The following FGFRL1 variants were observed in gnomAD, a reference collection of about 807,000 sequenced individuals.
The protein encoded by FGFRL1 is fibroblast growth factor receptor like 1.
In FGFRL1, 24 loss-of-function variants were observed where a neutral mutation model predicts 36.8. The observed-to-expected ratio is 0.65, with a 90% confidence interval of 0.47 to 0.92. The LOEUF is 0.92. Ranked by LOEUF, FGFRL1 falls within the 40% of genes least tolerant of loss-of-function variation. The pLI is 0.00. For synonymous variants in FGFRL1, 422 were observed against 344.1 expected, an observed-to-expected ratio of 1.23 and a Z score of -2.50; for missense variants, 785 against 753.4, an observed-to-expected ratio of 1.04 and a Z score of -0.49.
At position 1,024,758 on chromosome 4, in the gene FGFRL1, C is replaced by G; in HGVS notation, c.1072+94C>G. ...CCCACCGGGTGGGGCCCCACCCTTC[C>G]CTCCCGGGCCGTGCTGGCCAGGTCA... On this transcript the variant is annotated intron_variant, in intron 6 of 6. Coordinates refer to ENST00000510644, the MANE Select transcript of FGFRL1 (RefSeq NM_001004356.3). The G allele has an allele frequency of 2.1e-6, 3 of 1,416,338 alleles. No individual in the cohort carries two copies. The African/African-American group carries it at 4.3e-5, about 20-fold the overall frequency. 87.7% of individuals were successfully genotyped at this position (1,416,338 alleles called of 1,614,324 possible).
At chr4:1,016,242 T>C (rs78852263) in intron 2 of FGFRL1, among the ~76,000 whole-genome samples, 7,405 of 152,018 alleles carry the variant, frequency 0.049, 232 homozygotes, top group Middle Eastern at 0.16. Context: ...TTCTTGTTGA[T>C]GCTTCTGAAG....
At chr4:1,016,643 G>A (rs1266819252) in intron 2 of FGFRL1, among the ~76,000 whole-genome samples, 1 of 152,120 alleles carries the variant, frequency 6.6e-6, no homozygotes, top group Non-Finnish European at 1.5e-5. Context: ...CACCTGTGCT[G>A]CAGGCCCCCA....
At position 1,024,082 on chromosome 4, in the gene FGFRL1, C is replaced by T; in HGVS notation, c.699C>T (p.Thr233=). 7 of 1,593,854 alleles carry T rather than the reference C, an allele frequency of 4.4e-6. No individual in the cohort carries two copies. The highest frequency in any genetic ancestry group is 6.0e-6 in the Non-Finnish European group (7 of 1,172,896). Residue 233 remains threonine, a synonymous_variant, in exon 5 of 7, where the codon ACC becomes ACT. Coordinates refer to ENST00000510644, the MANE Select transcript of FGFRL1 (RefSeq NM_001004356.3). ...ACCGCGCGGGCGCCATCAACGCCAC[C>T]TACAAGGTGGATGTGATCCGTGAGT... is the stretch of plus-strand genomic sequence containing the variant. ...VSNRAGAINA[T]YKVDVIQRTR...
chr4:1,014,748 C>A (rs936666617), intron 2 of FGFRL1, among the ~76,000 whole-genome samples: 1 of 152,354 alleles, frequency 6.6e-6, no homozygotes, highest in East Asian at 1.9e-4. Flanking sequence ...CCGTGTGCAG[C>A]GGGCTGAGGT....
At position 1,024,507 on chromosome 4, in the gene FGFRL1, G is replaced by C. The variant is rs1390509957; in HGVS notation, c.915G>C (p.Val305=). ...ATGTGGGCGGCCAGAAGTTTGTGGTGCTGCCCACGGGTGACGTGTGGTCGC... is the reference window on the plus strand; with the variant it reads ...ATGTGGGCGGCCAGAAGTTTGTGGTCCTGCCCACGGGTGACGTGTGGTCGC... ...TIDVGGQKFV[V]LPTGDVWSRP... is the part of the protein sequence containing the mutation. Residue 305 remains valine (V), a synonymous_variant, in exon 6 of 7, where the codon GTG becomes GTC. Transcript: ENST00000510644. 3 of 1,612,420 alleles carry C rather than the reference G, an allele frequency of 1.9e-6. No homozygotes were observed. Among genetic ancestry groups the C allele is most frequent in the Admixed American group, 3.3e-5 (2 of 59,990 alleles).
chr4:1,020,380 C>T (rs1043403914), intron 2 of FGFRL1, among the ~76,000 whole-genome samples: 3 of 151,936 alleles, frequency 2.0e-5, no homozygotes, highest in Non-Finnish European at 2.9e-5. Context: ...GGGCTGTGGT[C>T]GCCGCTGCAG....
At chr4:1,013,313 G>C (rs1243095824) in intron 2 of FGFRL1, among the ~76,000 whole-genome samples, 2 of 152,254 alleles carry the variant, frequency 1.3e-5, no homozygotes, top group Non-Finnish European at 2.9e-5. Context: ...TCCGGGCACA[G>C]CGCTGGCTGC....
intron 2 of FGFRL1, among the ~76,000 whole-genome samples, chr4:1,013,191 C>T (rs1022999419): frequency 3.9e-5 from 6 of 152,232 alleles, no homozygotes; most frequent in African/African-American, 1.4e-4. Flanking sequence ...GGTACGTGCT[C>T]ATGGCACCGA....
intron 3 of FGFRL1, among the ~76,000 whole-genome samples, chr4:1,022,734 C>T (rs548520600): frequency 5.9e-5 from 9 of 152,168 alleles, no homozygotes; most frequent in African/African-American, 1.9e-4. Context: ...GGGCGGGAGC[C>T]GAAGGCAGTG....
rs113926759 is a variant in FGFRL1, at chr4:1,025,512, GACAC to G, written c.*172_*175del. On this transcript the variant is annotated 3_prime_UTR_variant, in exon 7 of 7. Transcript: ENST00000510644. Reference sequence around the variant, plus strand: ...CATAGCCCCTGGACACACACACACAGACACACACACTGCCTGGATGCATGTATGC... The same window carrying G: ...CATAGCCCCTGGACACACACACACAGACACACTGCCTGGATGCATGTATGC... 475 of 790,162 alleles carry G rather than the reference GACAC, an allele frequency of 6.0e-4. No homozygotes were observed. The highest frequency in any genetic ancestry group is 8.1e-4 in the Non-Finnish European group (407 of 502,286). 48.9% of individuals were successfully genotyped at this position (790,162 alleles called of 1,614,324 possible).
chr4:1,025,161 T>G lies in FGFRL1; in HGVS notation c.1329T>G (p.Gly443=), dbSNP rs1401970369. 1.2e-6 allele frequency: 2 copies of G among 1,610,436 alleles called. No individual in the cohort carries two copies. The highest frequency in any genetic ancestry group is 1.7e-6 in the Non-Finnish European group (2 of 1,179,024). ...PSLAALSAGP[G]VGLCEEHGSP... is the part of the protein sequence containing the mutation. ...TGGCCGCCCTCAGCGCTGGCCCTGG[T>G]GTGGGGCTGTGTGAGGAGCATGGGT... The change falls in exon 7 of 7, where the codon GGT becomes GGG. Residue 443 remains glycine (G), a synonymous_variant. Coordinates refer to ENST00000510644, the MANE Select transcript of FGFRL1 (RefSeq NM_001004356.3).
At chr4:1,015,459 T>TGG (rs1411564506) in intron 2 of FGFRL1, among the ~76,000 whole-genome samples, 3 of 152,080 alleles carry the variant, frequency 2.0e-5, no homozygotes, top group Non-Finnish European at 4.4e-5. Flanking sequence ...CCAGGATGGC[T>TGG]GGGGCAGGGG....
In FGFRL1 at chr4:1,023,923, C is replaced by A. The variant is rs776565730; in HGVS notation, c.540C>A (p.Pro180=). Residue 180 remains proline (P), a synonymous_variant, in exon 5 of 7, where the codon CCC becomes CCA. Transcript: ENST00000510644. This position sits in a 1 kb window ranked among gnomAD's most constrained non-coding sequence, Gnocchi z 6.0. The part of the protein sequence containing the change: ...LKCVASGHPR[P]DITWMKDDQA... The stretch of plus-strand genomic sequence containing the variant: ...GCGTGGCCAGCGGGCACCCTCGGCC[C>A]GACATCACGTGGATGAAGGACGACC... The A allele has an allele frequency of 6.3e-7, 1 of 1,582,264 alleles. No homozygotes were observed. Among genetic ancestry groups the A allele is most frequent in the South Asian group, 1.1e-5 (1 of 87,572 alleles).
rs374222149 is a variant in FGFRL1, at chr4:1,024,578, G to T, written c.986G>T (p.Arg329Leu). The T allele has an allele frequency of 6.2e-7, 1 of 1,612,268 alleles. No homozygotes were observed. Among genetic ancestry groups the T allele is most frequent in the Admixed American group, 1.7e-5 (1 of 59,984 alleles). ...YLNKLLITRA[R>L]QDDAGMYICL... is the part of the protein sequence containing the mutation. The stretch of plus-strand genomic sequence containing the variant: ...AATAAGCTGCTCATCACCCGTGCCC[G>T]CCAGGACGATGCGGGCATGTACATC... Residue 329 changes from arginine to leucine, a missense_variant, in exon 6 of 7, where the codon CGC becomes CTC. Physicochemically the swap from Arg to Leu is moderately radical, Grantham distance 102 (BLOSUM62 -2). Transcript: ENST00000510644.
Position 1,023,314 on chromosome 4 carries a change from C to T in FGFRL1, c.353-327C>T, listed in dbSNP as rs959770891. On this transcript the variant is annotated intron_variant, in intron 3 of 6. Coordinates refer to ENST00000510644, the MANE Select transcript of FGFRL1 (RefSeq NM_001004356.3). This position sits in a 1 kb window ranked among gnomAD's most constrained non-coding sequence, Gnocchi z 6.0. ...CTCGTCTGTTCACCAGCCCTCGGCC[C>T]CTTGATGTAGGCTAGGGTTACTGCA... is the stretch of plus-strand genomic sequence containing the variant. 2.0e-5 allele frequency among the ~76,000 whole-genome samples: 3 copies of T among 152,118 alleles called. No homozygotes were observed. Among genetic ancestry groups the T allele is most frequent in the Non-Finnish European group, 4.4e-5 (3 of 67,982 alleles).
rs1716339252 is a variant in FGFRL1, at chr4:1,023,869, G to A, written c.486G>A (p.Arg162=). ...AGATGAGGCGCCGGGTGATCGCACG[G>A]CCCGTGGGTAGCTCCGTGCGGCTCA... ...PSKMRRRVIA[R]PVGSSVRLKC... The change falls in exon 5 of 7, where the codon CGG becomes CGA. Residue 162 remains arginine (R), a synonymous_variant. Transcript: ENST00000510644. The surrounding 1 kb of genome is among the most constrained non-coding windows in gnomAD (Gnocchi z 6.0). 6.3e-7 allele frequency: 1 copy of A among 1,580,434 alleles called. No homozygotes were observed. Among genetic ancestry groups the A allele is most frequent in the East Asian group, 2.3e-5 (1 of 42,888 alleles).
intron 2 of FGFRL1, among the ~76,000 whole-genome samples, chr4:1,020,512 G>A (rs974963132): frequency 6.6e-6 from 1 of 151,302 alleles, no homozygotes; most frequent in Non-Finnish European, 1.5e-5. Flanking sequence ...TGTGTTCTAG[G>A]TTCATCTTCC....
Position 1,024,552 on chromosome 4 carries a change from C to G in FGFRL1, c.960C>G (p.Leu320=). 1 of 1,612,500 alleles carries G rather than the reference C, an allele frequency of 6.2e-7. No individual in the cohort carries two copies. Among genetic ancestry groups the G allele is most frequent in the Non-Finnish European group, 8.5e-7 (1 of 1,179,862 alleles). ...DVWSRPDGSY[L]NKLLITRARQ... The stretch of plus-strand genomic sequence containing the variant: ...GGTCGCGGCCCGACGGCTCCTACCT[C>G]AATAAGCTGCTCATCACCCGTGCCC... Residue 320 remains leucine, a synonymous_variant, in exon 6 of 7, where the codon CTC becomes CTG. Coordinates refer to ENST00000510644, the MANE Select transcript of FGFRL1 (RefSeq NM_001004356.3).
intron 3 of FGFRL1, among the ~76,000 whole-genome samples, chr4:1,022,931 G>T (rs185787697): frequency 0.011 from 1,645 of 152,308 alleles, 30 homozygotes; most frequent in African/African-American, 0.035. Flanking sequence ...TCCATACCTA[G>T]GGACCCGGCA....
Sources: allele counts gnomAD v4.1 joint callset (sites outside exome capture counted in the v4.1 genomes callset), GRCh38; gene constraint gnomAD v4.1.1; non-coding constraint Gnocchi (gnomAD v3.1); transcripts MANE v1.5; gene names NCBI Gene and HGNC (gene_info 2026-07-23, HGNC 2026-07-21).